PIBF1: variants seen among roughly 807,000 people sequenced by gnomAD.
PIBF1 encodes the protein progesterone immunomodulatory binding factor 1, also known as progesterone-induced-blocking factor 1.
A neutral mutation model predicts 112.5 loss-of-function variants in PIBF1; 90 were observed. The ratio of observed to expected loss-of-function variants is 0.80; its 90% CI spans 0.67 to 0.95. The LOEUF is 0.95. Among genes scored for constraint, PIBF1 ranks in the 40% least tolerant of loss-of-function variants. PIBF1 has a pLI of 0.00. For missense variants in PIBF1, 915 were observed against 852.3 expected, an observed-to-expected ratio of 1.07 and a Z score of -0.92; for synonymous variants, 301 against 288.6, an observed-to-expected ratio of 1.04 and a Z score of -0.44.
rs183756196 is a variant in PIBF1, at chr13:73,006,253, C to A, written c.2223+7258C>A. ...TTTTTTATGTTGAATGTAGACTCAT[C>A]TCACCAAAGTATGACCGGACCTCAA... is the stretch of plus-strand genomic sequence containing the variant. On this transcript the variant is annotated intron_variant, in intron 17 of 17. Coordinates refer to ENST00000326291, the MANE Select transcript of PIBF1 (RefSeq NM_006346.4). Among the ~76,000 whole-genome samples the A allele has an allele frequency of 6.6e-4, 101 of 152,276 alleles. 1 individual carries two copies. The highest frequency in any genetic ancestry group is 6.5e-3 in the Admixed American group (100 of 15,286).
intron 14 of PIBF1, among the ~76,000 whole-genome samples, chr13:72,950,048 A>G (rs2138850686): frequency 6.6e-6 from 1 of 152,290 alleles, no homozygotes; most frequent in East Asian, 1.9e-4. Flanking sequence ...CAACCTCTAT[A>G]TCATTTTGAA....
At chr13:72,839,873 T>C (rs1203981344) in intron 9 of PIBF1, among the ~76,000 whole-genome samples, 2 of 152,178 alleles carry the variant, frequency 1.3e-5, no homozygotes, top group Non-Finnish European at 2.9e-5. Context: ...TGTCCTTGTC[T>C]CCTTGTCTCC....
chr13:72,974,621 A>AT (rs552499337), intron 16 of PIBF1, among the ~76,000 whole-genome samples: 82 of 152,308 alleles, frequency 5.4e-4, no homozygotes, highest in African/African-American at 1.9e-3. Context: ...ATACATCTAC[A>AT]TTAGTCATAT....
rs754819670 is a variant in PIBF1 at position 72,973,642 on chromosome 13, A to G, written c.2016A>G (p.Ala672=). The G allele has an allele frequency of 4.4e-6, 7 of 1,583,184 alleles. No individual in the cohort carries two copies. Among genetic ancestry groups the G allele is most frequent in the East Asian group, 2.3e-5 (1 of 43,960 alleles). ...SALLQTKNQM[A]LDLEQLLNHR... is the part of the protein sequence containing the mutation. ...TACTACAGACGAAGAATCAAATGGC[A>G]TTAGATTTAGAACAACTTCTAAATC... The change falls in exon 16 of 18, where the codon GCA becomes GCG. Residue 672 remains alanine (A), a synonymous_variant. Coordinates refer to ENST00000326291, the MANE Select transcript of PIBF1 (RefSeq NM_006346.4).
At chr13:73,001,999 C>T (rs2043885197) in intron 17 of PIBF1, among the ~76,000 whole-genome samples, 1 of 152,004 alleles carries the variant, frequency 6.6e-6, no homozygotes, top group Admixed American at 6.6e-5. Context: ...CTGAAGGCAA[C>T]CTCAAAATTC....
intron 13 of PIBF1, among the ~76,000 whole-genome samples, chr13:72,927,990 C>CACACATATATATAT (rs1566458216): frequency 1.2e-4 from 10 of 80,834 alleles, no homozygotes; most frequent in African/African-American, 6.8e-4. Flanking sequence ...TATATATATA[C>CACACATATATATAT]ACACACATAT....
intron 8 of PIBF1, among the ~76,000 whole-genome samples, chr13:72,834,423 G>A (rs1175203718): frequency 1.3e-5 from 2 of 152,096 alleles, no homozygotes; most frequent in African/African-American, 4.8e-5. Context: ...CCAGAAGTTT[G>A]AGACCAGCCT....
At chr13:72,935,214 G>A (rs1259932860) in intron 14 of PIBF1, among the ~76,000 whole-genome samples, 1 of 152,134 alleles carries the variant, frequency 6.6e-6, no homozygotes, top group African/African-American at 2.4e-5. Flanking sequence ...TCGAACTCCT[G>A]ACCTTGTGAT....
At chr13:72,815,759 A>AAT (rs1307866264) in intron 5 of PIBF1, among the ~76,000 whole-genome samples, 3 of 152,158 alleles carry the variant, frequency 2.0e-5, no homozygotes, top group Non-Finnish European at 4.4e-5. Context: ...TTGAAGTCCT[A>AAT]GGCTTAAGCC....
At chr13:72,793,950 G>A (rs61181891) in intron 3 of PIBF1, among the ~76,000 whole-genome samples, 31,691 of 151,986 alleles carry the variant, frequency 0.21, 3,390 homozygotes, top group Middle Eastern at 0.27. Flanking sequence ...ACAAATCTGG[G>A]GATCATTAGG....
chr13:72,900,059 C>T (rs570983356), intron 11 of PIBF1, among the ~76,000 whole-genome samples: 13 of 152,034 alleles, frequency 8.6e-5, no homozygotes, highest in Non-Finnish European at 1.8e-4. Context: ...AGTTGAAAGA[C>T]CTTTACAAGG....
intron 14 of PIBF1, among the ~76,000 whole-genome samples, chr13:72,943,770 C>T (rs2042074641): frequency 6.6e-6 from 1 of 152,186 alleles, no homozygotes; most frequent in African/African-American, 2.4e-5. Flanking sequence ...TGACATGCCC[C>T]AGGGTTCTAC....
chr13:73,002,983 C>CAAAAAAAAAAAAAAAAAAAAAAAAAAAAA lies in PIBF1; in HGVS notation c.2223+4012_2223+4013insAAAAAAAAAAAAAAAAAAAAAAAAAAAAA, dbSNP rs1161228077. On this transcript the variant is annotated intron_variant, in intron 17 of 17. Transcript: ENST00000326291. ...GGACGACACAGCAAGACTCTGGTCT[C>CAAAAAAAAAAAAAAAAAAAAAAAAAAAAA]AAAAAAAAAAAAAAAAAAAAAAAAG... 3.5e-5 allele frequency among the ~76,000 whole-genome samples: 2 copies of CAAAAAAAAAAAAAAAAAAAAAAAAAAAAA among 57,520 alleles called. 1 individual carries two copies. The highest frequency in any genetic ancestry group is 1.5e-4 in the African/African-American group (2 of 13,350). 37.7% of individuals were successfully genotyped at this position (57,520 alleles called of 152,430 possible). A position where few individuals can be genotyped will look rare whatever the true frequency, so the allele number is the denominator to read the frequency against.
chr13:72,950,284 C>T (rs145541327), intron 14 of PIBF1, among the ~76,000 whole-genome samples: 208 of 152,268 alleles, frequency 1.4e-3, no homozygotes, highest in Non-Finnish European at 2.5e-3. Flanking sequence ...TACTTTCATT[C>T]TTTATCTAGA....
chr13:72,908,445 C>A, intron 11 of PIBF1, 86 bp from the exon 12 acceptor site: 2 of 654,442 alleles, frequency 3.1e-6, no homozygotes, highest in Non-Finnish European at 4.8e-6. Flanking sequence ...ACAAAAAAAG[C>A]CCTATGAATG....
At chr13:72,883,631 G>T (rs2039730005) in intron 10 of PIBF1, among the ~76,000 whole-genome samples, 1 of 152,132 alleles carries the variant, frequency 6.6e-6, no homozygotes, top group Admixed American at 6.5e-5. Flanking sequence ...GGGATCACAG[G>T]CATGTGCCAC....
intron 14 of PIBF1, among the ~76,000 whole-genome samples, chr13:72,942,460 C>A (rs890211265): frequency 6.6e-6 from 1 of 152,012 alleles, no homozygotes; most frequent in African/African-American, 2.4e-5. Context: ...TCTTCTGTTT[C>A]AATGCCGAAT....
intron 13 of PIBF1, among the ~76,000 whole-genome samples, chr13:72,919,622 A>G (rs1418860258): frequency 1.3e-5 from 2 of 152,174 alleles, no homozygotes; most frequent in African/African-American, 4.8e-5. Context: ...GGGAAAGGTC[A>G]TATTCTTTTC....
chr13:72,814,065 GA>G (rs2036149129), intron 5 of PIBF1, among the ~76,000 whole-genome samples: 1 of 152,048 alleles, frequency 6.6e-6, no homozygotes, highest in Non-Finnish European at 1.5e-5. Context: ...TCTGTTAAAA[GA>G]AAGACTCTTA....
Sources: allele counts gnomAD v4.1 joint callset (sites outside exome capture counted in the v4.1 genomes callset), GRCh38; gene constraint gnomAD v4.1.1; transcripts MANE v1.5; gene names NCBI Gene and HGNC (gene_info 2026-07-23, HGNC 2026-07-21).